Variants in AP3B1 observed in about 807,000 individuals in gnomAD.
The protein encoded by AP3B1 is AP-3 complex subunit beta-1.
Under a neutral mutation model 132.5 loss-of-function variants are expected in AP3B1, and 61 were observed. That is an observed-to-expected ratio of 0.46 (90% CI 0.37 to 0.57). The LOEUF (loss-of-function observed/expected upper bound fraction) is 0.57. Among genes scored for constraint, AP3B1 ranks in the 20% least tolerant of loss-of-function variants. The pLI is 0.00. For missense variants in AP3B1, 1,120 were observed against 1,289.4 expected (o/e 0.87, Z 2.01); for synonymous variants, 388 against 438.3 (o/e 0.89, Z 1.43).
chr5:78,241,410 T>C (rs1747133619), intron 2 of AP3B1, among the ~76,000 whole-genome samples: 1 of 152,124 alleles, frequency 6.6e-6, no homozygotes, highest in South Asian at 2.1e-4. Context: ...CCAGGCTGGG[T>C]AAAAACTTTT....
At chr5:78,128,006 T>C (rs1268064884) in intron 17 of AP3B1, 24 bp downstream of exon 17, 1 of 1,610,662 alleles carries the variant, frequency 6.2e-7, no homozygotes, top group Admixed American at 1.7e-5. Context: ...TTTGGCAAAA[T>C]TAATTTCAGA....
At chr5:78,021,087 C>G (rs1328085860) in intron 24 of AP3B1, among the ~76,000 whole-genome samples, 1 of 151,666 alleles carries the variant, frequency 6.6e-6, no homozygotes, top group African/African-American at 2.4e-5. Context: ...TAACCACTAC[C>G]ACCAAGAGAA....
intron 19 of AP3B1, among the ~76,000 whole-genome samples, chr5:78,110,787 C>T (rs972096529): frequency 4.8e-5 from 7 of 146,176 alleles, no homozygotes; most frequent in Admixed American, 2.1e-4. Flanking sequence ...TATATATATA[C>T]GTATATGAGA....
chr5:78,057,449 A>G (rs765823454), intron 22 of AP3B1, among the ~76,000 whole-genome samples: 25 of 152,214 alleles, frequency 1.6e-4, no homozygotes, highest in Non-Finnish European at 3.1e-4. Flanking sequence ...GGAGATAATC[A>G]TATGATATGA....
chr5:78,146,195 A>T (rs1455487864), intron 14 of AP3B1, among the ~76,000 whole-genome samples: 1 of 152,214 alleles, frequency 6.6e-6, no homozygotes, highest in Non-Finnish European at 1.5e-5. Flanking sequence ...TTGTATAAAC[A>T]GCTCTCCTGA....
intron 7 of AP3B1, among the ~76,000 whole-genome samples, chr5:78,214,116 G>T (rs1046783128): frequency 3.3e-5 from 5 of 152,146 alleles, no homozygotes; most frequent in Non-Finnish European, 7.3e-5. Context: ...TAATTCCAAG[G>T]TTGGATTGCA....
Position 78,216,191 on chromosome 5 carries a change from T to C in AP3B1, c.650A>G (p.Asp217Gly). Residue 217 changes from aspartate (D) to glycine (G), a missense_variant, in exon 7 of 27, where the codon GAC becomes GGC. This residue lies in a region of AP3B1 where 129 missense variants were observed against 212.4 expected (regional missense o/e 0.61). Coordinates refer to ENST00000255194, the MANE Select transcript of AP3B1 (RefSeq NM_003664.5). Reference protein sequence around the residue: ...VVMAFEEVCPDRIDLIHKNYR... With the variant: ...VVMAFEEVCPGRIDLIHKNYR... ...ATTTTTATGAATCAGATCTATTCTG[T>C]CCGGGCATACTTCTTCAAAAGCCAT... 6.2e-7 allele frequency: 1 copy of C among 1,613,978 alleles called. No homozygotes were observed. The highest frequency in any genetic ancestry group is 1.1e-5 in the South Asian group (1 of 91,074).
intron 7 of AP3B1, among the ~76,000 whole-genome samples, chr5:78,186,210 A>G (rs930809519): frequency 3.7e-4 from 56 of 152,320 alleles, no homozygotes; most frequent in Non-Finnish European, 4.1e-4. Flanking sequence ...AATACATAGC[A>G]TGCTAATATT....
At chr5:78,208,596 T>A (rs557642091) in intron 7 of AP3B1, among the ~76,000 whole-genome samples, 1 of 152,260 alleles carries the variant, frequency 6.6e-6, no homozygotes, top group East Asian at 1.9e-4. Flanking sequence ...TCTAAAGGAA[T>A]TTAGTATGTT....
At chr5:78,107,700 G>A (rs979255110) in intron 20 of AP3B1, among the ~76,000 whole-genome samples, 11 of 152,026 alleles carry the variant, frequency 7.2e-5, no homozygotes, top group African/African-American at 2.7e-4. Flanking sequence ...AAGGAAAGTG[G>A]CTAAGCTCAG....
chr5:78,022,807 AT>A (rs566228315), intron 24 of AP3B1, among the ~76,000 whole-genome samples: 4 of 151,952 alleles, frequency 2.6e-5, no homozygotes, highest in Non-Finnish European at 4.4e-5. Context: ...CAGGATTTTG[AT>A]TTTTTTTAAG....
chr5:78,145,019 G>T (rs2112334498), intron 14 of AP3B1, among the ~76,000 whole-genome samples: 1 of 152,160 alleles, frequency 6.6e-6, no homozygotes, highest in Admixed American at 6.5e-5. Flanking sequence ...TTTTATTCTA[G>T]AAGAACTCCA....
At chr5:78,118,054 C>T (rs1338294555) in intron 17 of AP3B1, among the ~76,000 whole-genome samples, 1 of 152,096 alleles carries the variant, frequency 6.6e-6, no homozygotes. Context: ...AATAGAATCA[C>T]CTGAGAATAG....
intron 6 of AP3B1, among the ~76,000 whole-genome samples, chr5:78,221,207 C>A (rs1746165400): frequency 6.6e-6 from 1 of 152,150 alleles, no homozygotes. Context: ...AGAGAGGGTA[C>A]TCTTGTACTA....
intron 2 of AP3B1, among the ~76,000 whole-genome samples, chr5:78,244,112 A>T (rs1747267743): frequency 6.6e-6 from 1 of 152,190 alleles, no homozygotes; most frequent in African/African-American, 2.4e-5. Flanking sequence ...AAGAAGGGAC[A>T]TGAATTAAGA....
At position 78,104,524 on chromosome 5, in the gene AP3B1, A is replaced by T. The variant is rs576192531; in HGVS notation, c.2398-3499T>A. On this transcript the variant is annotated intron_variant, in intron 20 of 26. Coordinates refer to ENST00000255194, the MANE Select transcript of AP3B1 (RefSeq NM_003664.5). The stretch of plus-strand genomic sequence containing the variant: ...GCAAGGCTTTGCATTATAACAGTAA[A>T]ACCCAATATTCTTCAATATTTATAA... Among the ~76,000 whole-genome samples the T allele has an allele frequency of 7.9e-4, 121 of 152,290 alleles. 3 individuals carry two copies. The East Asian group carries it at 0.02, about 25-fold the overall frequency.
chr5:78,210,849 C>T (rs1206300639), intron 7 of AP3B1, among the ~76,000 whole-genome samples: 3 of 151,758 alleles, frequency 2.0e-5, no homozygotes, highest in Non-Finnish European at 2.9e-5. Flanking sequence ...TTTTTTAAAT[C>T]GATTAATTTT....
At chr5:78,167,178 C>T (rs2112381116) in intron 11 of AP3B1, among the ~76,000 whole-genome samples, 1 of 152,076 alleles carries the variant, frequency 6.6e-6, no homozygotes, top group African/African-American at 2.4e-5. Context: ...AAAAAGTGGG[C>T]AAAGGATATG....
chr5:78,287,750 TA>T (rs58180674), intron 1 of AP3B1, among the ~76,000 whole-genome samples: 63,286 of 131,638 alleles, frequency 0.48, 14,413 homozygotes, highest in Non-Finnish European at 0.53. Context: ...GTACCCCTTG[TA>T]AAAAAAAAAA....
Sources: allele counts gnomAD v4.1 joint callset (sites outside exome capture counted in the v4.1 genomes callset), GRCh38; gene constraint gnomAD v4.1.1; regional missense constraint gnomAD v4.1.1; transcripts MANE v1.5; gene names NCBI Gene and HGNC (gene_info 2026-07-23, HGNC 2026-07-21).